Variants in OPRD1 observed in about 807,000 individuals in gnomAD.
The protein encoded by OPRD1 is delta-type opioid receptor.
OPRD1 carries 19 observed loss-of-function variants against 17.5 expected under a neutral mutation model. The ratio of observed to expected loss-of-function variants is 1.09; its 90% CI spans 0.76 to 1.60. The LOEUF is 1.60. Among genes scored for constraint, OPRD1 ranks in the 40% most tolerant of loss-of-function variants. OPRD1 has a pLI of 0.00. For synonymous variants in OPRD1, 256 were observed against 240.9 expected (o/e 1.06, Z -0.58); for missense variants, 483 against 547.2 (o/e 0.88, Z 1.17).
chr1:28,813,298 C>A (rs1488575237), intron 1 of OPRD1, among the ~76,000 whole-genome samples: 2 of 152,202 alleles, frequency 1.3e-5, no homozygotes, highest in Non-Finnish European at 2.9e-5. Context: ...TCCTGGATAA[C>A]ATGGGCGACA....
At chr1:28,857,754 C>T (rs148453447) in intron 1 of OPRD1, among the ~76,000 whole-genome samples, 3,825 of 152,318 alleles carry the variant, frequency 0.025, 173 homozygotes, top group African/African-American at 0.087. Context: ...CCCCAAAGTG[C>T]TGGGATTACA....
intron 1 of OPRD1, among the ~76,000 whole-genome samples, chr1:28,839,835 G>T (rs2088880784): frequency 6.6e-6 from 1 of 152,220 alleles, no homozygotes; most frequent in Non-Finnish European, 1.5e-5. Context: ...GCATCCTTCA[G>T]GGCACCTGGG....
chr1:28,869,300 T>A lies in OPRD1; in HGVS notation c.*6017T>A, dbSNP rs2089198602. The A allele has an allele frequency of 6.6e-6, 1 of 152,470 alleles. No homozygotes were observed. Among genetic ancestry groups the A allele is most frequent in the Non-Finnish European group, 1.5e-5 (1 of 68,226 alleles). 9.4% of individuals were successfully genotyped at this position (152,470 alleles called of 1,614,324 possible). On this transcript the variant is annotated 3_prime_UTR_variant, in exon 3 of 3. Transcript: ENST00000234961. ...CTGTGTGGTTCAGGCTGCAGGCAGC[T>A]TGGGAATTCAAAATGGGGCTTAGAG...
intron 1 of OPRD1, among the ~76,000 whole-genome samples, chr1:28,844,118 C>T (rs557466250): frequency 2.3e-4 from 35 of 150,424 alleles, no homozygotes; most frequent in Non-Finnish European, 3.2e-4. Context: ...AAAAACGGTA[C>T]ACGAGAGTTC....
intron 1 of OPRD1, among the ~76,000 whole-genome samples, chr1:28,828,263 A>T (rs576873927): frequency 6.6e-6 from 1 of 152,340 alleles, no homozygotes; most frequent in Admixed American, 6.5e-5. Flanking sequence ...CATCTCCATC[A>T]GAGCTCTTGG....
At chr1:28,817,083 G>A (rs566789948) in intron 1 of OPRD1, among the ~76,000 whole-genome samples, 24 of 152,150 alleles carry the variant, frequency 1.6e-4, no homozygotes, top group African/African-American at 4.8e-4. Context: ...TGCCAGCCCC[G>A]GCCAGCCTCC....
intron 1 of OPRD1, among the ~76,000 whole-genome samples, chr1:28,846,872 T>TTC (rs1475519975): frequency 1.4e-5 from 1 of 71,448 alleles, no homozygotes; most frequent in African/African-American, 3.6e-5. Flanking sequence ...CTTTCTTTCT[T>TTC]TCTTTCTTTC....
At chr1:28,832,401 C>G (rs1395122512) in intron 1 of OPRD1, among the ~76,000 whole-genome samples, 3 of 152,040 alleles carry the variant, frequency 2.0e-5, no homozygotes, top group East Asian at 1.9e-4. Context: ...GAGAATCGCT[C>G]GAGCCCAGGA....
Position 28,868,735 on chromosome 1 carries a change from G to T in OPRD1, c.*5452G>T, listed in dbSNP as rs1252306282. On this transcript the variant is annotated 3_prime_UTR_variant, in exon 3 of 3. Coordinates refer to ENST00000234961, the MANE Select transcript of OPRD1 (RefSeq NM_000911.4). Reference sequence around the variant, plus strand: ...TGCACCTGTAATCCCAGCTACTCAGGAGGCTGAGGCGGGAGAATCGCCTGA... The same window carrying T: ...TGCACCTGTAATCCCAGCTACTCAGTAGGCTGAGGCGGGAGAATCGCCTGA... 1 of 152,266 alleles carries T rather than the reference G, an allele frequency of 6.6e-6. No homozygotes were observed. The highest frequency in any genetic ancestry group is 1.5e-5 in the Non-Finnish European group (1 of 68,160). The allele number at this position is 152,266 out of a possible 1,614,324, so 9.4% of individuals were successfully genotyped here.
intron 1 of OPRD1, among the ~76,000 whole-genome samples, chr1:28,828,521 G>T (rs2088784754): frequency 6.6e-6 from 1 of 151,930 alleles, no homozygotes; most frequent in Non-Finnish European, 1.5e-5. Context: ...AGCTGCATTA[G>T]CCCCTAATGA....
At chr1:28,841,188 C>T (rs1370945366) in intron 1 of OPRD1, among the ~76,000 whole-genome samples, 2 of 152,208 alleles carry the variant, frequency 1.3e-5, no homozygotes, top group East Asian at 3.9e-4. Flanking sequence ...GTGCCTGTGA[C>T]GTTGTTCTGA....
intron 1 of OPRD1, among the ~76,000 whole-genome samples, chr1:28,835,826 A>G (rs2088847088): frequency 6.6e-6 from 1 of 152,186 alleles, no homozygotes; most frequent in Admixed American, 6.5e-5. Context: ...CTGAGACCCA[A>G]GCTAGGCCCT....
In OPRD1 at chr1:28,862,854, C is replaced by T. The variant is rs1557581516; in HGVS notation, c.690C>T (p.Thr230=). ...FAFVVPILII[T]VCYGLMLLRL... ...TCGTGGTGCCCATCCTCATCATCAC[C>T]GTGTGCTATGGCCTCATGCTGCTGC... The change falls in exon 3 of 3, where the codon ACC becomes ACT. Residue 230 remains threonine, a synonymous_variant. Transcript: ENST00000234961. 6.2e-7 allele frequency: 1 copy of T among 1,612,914 alleles called. No homozygotes were observed. The highest frequency in any genetic ancestry group is 8.5e-7 in the Non-Finnish European group (1 of 1,180,032).
chr1:28,822,709 C>T (rs946905299), intron 1 of OPRD1, among the ~76,000 whole-genome samples: 1 of 151,104 alleles, frequency 6.6e-6, no homozygotes, highest in Admixed American at 6.6e-5. Context: ...AGGTTGGTCT[C>T]GCACTCCTGA....
intron 1 of OPRD1, among the ~76,000 whole-genome samples, chr1:28,858,649 A>C (rs1197507991): frequency 6.8e-6 from 1 of 147,810 alleles, no homozygotes; most frequent in Non-Finnish European, 1.5e-5. Flanking sequence ...AGGTTCAAGC[A>C]ATTTTCCTGC....
At chr1:28,852,619 A>G (rs1186260551) in intron 1 of OPRD1, among the ~76,000 whole-genome samples, 2 of 152,048 alleles carry the variant, frequency 1.3e-5, no homozygotes, top group African/African-American at 2.4e-5. Flanking sequence ...GTAGTGCACT[A>G]TGGTTGCACC....
chr1:28,845,327 T>C (rs1408931928), intron 1 of OPRD1, among the ~76,000 whole-genome samples: 1 of 149,280 alleles, frequency 6.7e-6, no homozygotes, highest in Non-Finnish European at 1.5e-5. Context: ...CTACTAAAAA[T>C]ACAAAAAAAA....
rs2089213732 is a variant in OPRD1, at chr1:28,871,131, G to A, written c.*7848G>A. Reference sequence around the variant, plus strand: ...GTAATAGGAGCTGCCCCAATTAGGGGCAGGGAGGCGGGCATGTAAAAAAGG... The same window carrying A: ...GTAATAGGAGCTGCCCCAATTAGGGACAGGGAGGCGGGCATGTAAAAAAGG... On this transcript the variant is annotated 3_prime_UTR_variant, in exon 3 of 3. Transcript: ENST00000234961. 1 of 152,196 alleles carries A rather than the reference G, an allele frequency of 6.6e-6. No individual in the cohort carries two copies. Among genetic ancestry groups the A allele is most frequent in the Admixed American group, 6.5e-5 (1 of 15,278 alleles). The allele number at this position is 152,196 out of a possible 1,614,324, so 9.4% of individuals were successfully genotyped here. A position where few individuals can be genotyped will look rare whatever the true frequency, so the allele number is the denominator to read the frequency against.
At chr1:28,815,160 C>G (rs1252121634) in intron 1 of OPRD1, among the ~76,000 whole-genome samples, 1 of 152,166 alleles carries the variant, frequency 6.6e-6, no homozygotes, top group Non-Finnish European at 1.5e-5. Context: ...CTCTGTTGCC[C>G]AGGCTGGAGC....
Sources: gnomAD v4.1 joint callset for allele counts (sites outside exome capture counted in the v4.1 genomes callset) on GRCh38, gnomAD v4.1.1 for gene constraint, MANE v1.5 for transcripts, NCBI Gene and HGNC (gene_info 2026-07-23, HGNC 2026-07-21) for gene names.